Variants in HHIPL1 observed in about 807,000 individuals in gnomAD.
HHIPL1 encodes HHIP like 1, also known as HHIP-like protein 1.
HHIPL1 carries 43 observed loss-of-function variants against 61.8 expected under a neutral mutation model. The ratio of observed to expected loss-of-function variants is 0.70; its 90% CI spans 0.55 to 0.90. HHIPL1 has a LOEUF of 0.90. HHIPL1 is among the 40% of genes least tolerant of loss of function. The probability of loss-of-function intolerance (pLI) is 0.00; values close to 1 mark genes in which losing one functional copy is unlikely to be tolerated. For missense variants in HHIPL1, 1,056 were observed against 1,157.7 expected (o/e 0.91, Z 1.28); for synonymous variants, 482 against 515.8 (o/e 0.93, Z 0.89).
chr14:99,647,643 G>T (rs1595146562), intron 1 of HHIPL1, among the ~76,000 whole-genome samples: 1 of 152,334 alleles, frequency 6.6e-6, no homozygotes, highest in East Asian at 1.9e-4. Flanking sequence ...CTGGGTTATG[G>T]TTTCACTGAC....
chr14:99,666,400 G>A (rs1403655118), intron 6 of HHIPL1, among the ~76,000 whole-genome samples: 1 of 152,236 alleles, frequency 6.6e-6, no homozygotes, highest in Non-Finnish European at 1.5e-5. Context: ...TGTGTGCAGA[G>A]GGTTGGGGGC....
chr14:99,632,875 G>C, the HHIPL1 span, among the ~76,000 whole-genome samples: 1 of 148,392 alleles, frequency 6.7e-6, no homozygotes, highest in Non-Finnish European at 1.5e-5. Flanking sequence ...ATAAATTGGT[G>C]TGTGTGTGAG....
chr14:99,636,051 C>A, the HHIPL1 span, among the ~76,000 whole-genome samples: 41 of 152,240 alleles, frequency 2.7e-4, 1 homozygote, highest in South Asian at 2.1e-4. Flanking sequence ...CCTCTGGAGC[C>A]ACGGGGCACT....
Position 99,660,949 on chromosome 14 carries a change from G to C in HHIPL1, c.1502+543G>C, listed in dbSNP as rs540883814. On this transcript the variant is annotated intron_variant, in intron 5 of 8. Transcript: ENST00000330710. The surrounding 1 kb of genome is among the most constrained non-coding windows in gnomAD (Gnocchi z 4.9). ...CTCCTAATGGGGAGAGGAGGAGGTG[G>C]GGCTCTTGTGGCCTTGGAGCCTTGC... 4.5e-4 allele frequency among the ~76,000 whole-genome samples: 69 copies of C among 152,264 alleles called. No individual in the cohort carries two copies. Among genetic ancestry groups the C allele is most frequent in the African/African-American group, 1.6e-3 (67 of 41,560 alleles).
In HHIPL1 at chr14:99,675,782, G is replaced by T; in HGVS notation, c.*156G>T. The T allele has an allele frequency of 4.2e-6, 3 of 709,190 alleles. No homozygotes were observed. Among genetic ancestry groups the T allele is most frequent in the Non-Finnish European group, 6.5e-6 (3 of 459,662 alleles). 43.9% of individuals were successfully genotyped at this position (709,190 alleles called of 1,614,324 possible). On this transcript the variant is annotated 3_prime_UTR_variant, in exon 9 of 9. Coordinates refer to ENST00000330710, the MANE Select transcript of HHIPL1 (RefSeq NM_001127258.3). The surrounding 1 kb of genome is among the most constrained non-coding windows in gnomAD (Gnocchi z 5.4). ...ACATGTGTGAGGCGCTGCAGTGCAT[G>T]TGTGTCCTCTGCAGACCCAAGGCAG...
At chr14:99,632,106 G>T in the HHIPL1 span, among the ~76,000 whole-genome samples, 2 of 152,186 alleles carry the variant, frequency 1.3e-5, no homozygotes, top group African/African-American at 2.4e-5. Context: ...TATGTTTTAG[G>T]TCTTGCACTA....
At chr14:99,672,769 A>G (rs1477434109) in intron 8 of HHIPL1, among the ~76,000 whole-genome samples, 1 of 152,096 alleles carries the variant, frequency 6.6e-6, no homozygotes, top group Non-Finnish European at 1.5e-5. Flanking sequence ...TAGATTGTTG[A>G]CAAGCCTGAT....
upstream of HHIPL1, among the ~76,000 whole-genome samples, chr14:99,642,549 G>A (rs567850979): frequency 2.7e-5 from 4 of 150,248 alleles, no homozygotes; most frequent in Admixed American, 6.6e-5. Context: ...TTTCTGAGAC[G>A]GAGTCTCGCT....
chr14:99,632,014 G>T, the HHIPL1 span, among the ~76,000 whole-genome samples: 1 of 152,190 alleles, frequency 6.6e-6, no homozygotes, highest in African/African-American at 2.4e-5. Context: ...GCGAGGCTGG[G>T]AGTGGACATG....
At chr14:99,617,756 C>T in the HHIPL1 span, among the ~76,000 whole-genome samples, 9 of 152,218 alleles carry the variant, frequency 5.9e-5, no homozygotes, top group Non-Finnish European at 7.3e-5. Context: ...ACGCCAAGCC[C>T]GGGCCTGCCT....
chr14:99,642,745 C>T (rs1452017138), upstream of HHIPL1, among the ~76,000 whole-genome samples: 1 of 151,912 alleles, frequency 6.6e-6, no homozygotes, highest in African/African-American at 2.4e-5. Flanking sequence ...AGTATGATTT[C>T]GATCTCCTGA....
chr14:99,662,168 G>A (rs1239874855), intron 5 of HHIPL1, among the ~76,000 whole-genome samples: 1 of 152,204 alleles, frequency 6.6e-6, no homozygotes, highest in Non-Finnish European at 1.5e-5. Flanking sequence ...AGGACCCCTC[G>A]TACCCGAGCC....
At chr14:99,661,068 G>C (rs73348558) in intron 5 of HHIPL1, among the ~76,000 whole-genome samples, 3,145 of 152,244 alleles carry the variant, frequency 0.021, 108 homozygotes, top group African/African-American at 0.072. Flanking sequence ...TTTGATGGGG[G>C]AGGGAAACCT....
At chr14:99,618,477 T>C in the HHIPL1 span, among the ~76,000 whole-genome samples, 1 of 149,512 alleles carries the variant, frequency 6.7e-6, no homozygotes, top group Non-Finnish European at 1.5e-5. Context: ...TCTCTTCGCC[T>C]CATGGTTGCC....
chr14:99,638,988 C>A, the HHIPL1 span, among the ~76,000 whole-genome samples: 68 of 152,376 alleles, frequency 4.5e-4, no homozygotes, highest in African/African-American at 1.5e-3. Flanking sequence ...TTCATTCATT[C>A]ATTCCCTCAT....
chr14:99,649,494 A>G (rs1016804147), intron 1 of HHIPL1, among the ~76,000 whole-genome samples: 7 of 152,168 alleles, frequency 4.6e-5, no homozygotes, highest in African/African-American at 9.7e-5. Flanking sequence ...TTCCTCATCT[A>G]TAAAATAGGA....
chr14:99,610,090 C>G, the HHIPL1 span, among the ~76,000 whole-genome samples: 1 of 152,172 alleles, frequency 6.6e-6, no homozygotes. Context: ...GACTTCCCAG[C>G]CAGAGCCATG....
At chr14:99,634,568 AC>A in the HHIPL1 span, among the ~76,000 whole-genome samples, 1 of 152,224 alleles carries the variant, frequency 6.6e-6, no homozygotes, top group South Asian at 2.1e-4. Context: ...TGGGAAGAGC[AC>A]TGAGAAACCA....
chr14:99,664,965 A>T (rs2056218927), intron 6 of HHIPL1, among the ~76,000 whole-genome samples: 1 of 140,160 alleles, frequency 7.1e-6, no homozygotes, highest in Admixed American at 7.6e-5. Flanking sequence ...CCCAGGCTGG[A>T]GTGAAGTGGT....
Sources: gnomAD v4.1 joint callset for allele counts (sites outside exome capture counted in the v4.1 genomes callset) on GRCh38, gnomAD v4.1.1 for gene constraint, Gnocchi (gnomAD v3.1) non-coding constraint, MANE v1.5 for transcripts, NCBI Gene and HGNC (gene_info 2026-07-23, HGNC 2026-07-21) for gene names.